Variants in USP5 observed in about 807,000 individuals in gnomAD.
USP5 encodes the protein ubiquitin specific peptidase 5.
Under a neutral mutation model 102.5 loss-of-function variants are expected in USP5, and 24 were observed. The observed-to-expected ratio is 0.23, with a 90% CI of 0.17 to 0.33. The LOEUF (loss-of-function observed/expected upper bound fraction) is 0.33, where lower values mean the gene tolerates loss of function less well. USP5 is among the 10% of genes least tolerant of loss of function. The pLI is 1.00. For synonymous variants in USP5, 460 were observed against 434.8 expected (o/e 1.06, Z -0.72); for missense variants, 753 against 1,122.1 (o/e 0.67, Z 4.70).
At chr12:6,862,385 A>G in intron 13 of USP5, 85 bp from the exon 14 acceptor site, 2 of 1,205,306 alleles carry the variant, frequency 1.7e-6, no homozygotes, top group African/African-American at 3.0e-5. Flanking sequence ...ACTTCTACCC[A>G]TGAGGGGCTG....
In USP5 at chr12:6,858,110, T is replaced by C. The variant is rs1264382032; in HGVS notation, c.865-314T>C. Among the ~76,000 whole-genome samples, 1 of 152,182 alleles carries C rather than the reference T, an allele frequency of 6.6e-6. No individual in the cohort carries two copies. The highest frequency in any genetic ancestry group is 1.5e-5 in the Non-Finnish European group (1 of 68,028). On this transcript the variant is annotated intron_variant, in intron 7 of 19. Coordinates refer to ENST00000229268, the MANE Select transcript of USP5 (RefSeq NM_001098536.2). This position sits in a 1 kb window ranked among gnomAD's most constrained non-coding sequence, Gnocchi z 4.2. ...AGTTTAGGGATCAGGGACATTTCCCTGAGGAAGCGATGCTTAACTGACAAT... is the reference window on the plus strand; with the variant it reads ...AGTTTAGGGATCAGGGACATTTCCCCGAGGAAGCGATGCTTAACTGACAAT...
rs116418094 is a variant in USP5 at position 6,863,801 on chromosome 12, G to A, written c.1955-29G>A. On this transcript the variant is annotated intron_variant, in intron 15 of 19. Transcript: ENST00000229268. This position sits in a 1 kb window ranked among gnomAD's most constrained non-coding sequence, Gnocchi z 4.7. ...GGAGCAAACAGTGGCCCAATCAGTC[G>A]GTCCGTGTACCCACAATTCCCATTA... 1.0e-4 allele frequency: 156 copies of A among 1,530,162 alleles called. No individual in the cohort carries two copies. The highest frequency in any genetic ancestry group is 1.3e-4 in the Non-Finnish European group (142 of 1,134,728). 94.8% of individuals were successfully genotyped at this position (1,530,162 alleles called of 1,614,324 possible).
In USP5 at chr12:6,856,576, C is replaced by T. The variant is rs2238114; in HGVS notation, c.584+126C>T. Reference sequence around the variant, plus strand: ...AGGAAGGGAAGCTTGGAAATGAACACGACATGGGGATGGCCAGAGGAGAAG... The same window carrying T: ...AGGAAGGGAAGCTTGGAAATGAACATGACATGGGGATGGCCAGAGGAGAAG... On this transcript the variant is annotated intron_variant, in intron 5 of 19. Coordinates refer to ENST00000229268, the MANE Select transcript of USP5 (RefSeq NM_001098536.2). The surrounding 1 kb of genome is among the most constrained non-coding windows in gnomAD (Gnocchi z 5.6). 8.4e-6 allele frequency: 13 copies of T among 1,542,916 alleles called. No homozygotes were observed. Among genetic ancestry groups the T allele is most frequent in the African/African-American group, 5.5e-5 (4 of 73,160 alleles).
chr12:6,859,480 A>G lies in USP5; in HGVS notation c.1069A>G (p.Lys357Glu), dbSNP rs782458301. ...IPDFQRKYVD[K>E]LEKIFQNAPT... Reference sequence around the variant, plus strand: ...TCCCTTGACTTTTAGGTATGTGGATAAGCTGGAGAAGATCTTCCAGAATGC... The same window carrying G: ...TCCCTTGACTTTTAGGTATGTGGATGAGCTGGAGAAGATCTTCCAGAATGC... The change falls in exon 9 of 20, where the codon AAG becomes GAG. Residue 357 changes from lysine to glutamate, a missense_variant. Around this residue, in one of 3 missense-constraint regions of USP5, gnomAD observed 527 missense variants for 816.5 expected, o/e 0.65. Transcript: ENST00000229268. 1 of 1,614,162 alleles carries G rather than the reference A, an allele frequency of 6.2e-7. No individual in the cohort carries two copies. Among genetic ancestry groups the G allele is most frequent in the South Asian group, 1.1e-5 (1 of 91,086 alleles).
In USP5 at chr12:6,864,060, C is replaced by T. The variant is rs1944355168; in HGVS notation, c.2109C>T (p.Asn703=). 2.5e-6 allele frequency: 4 copies of T among 1,606,326 alleles called. No individual in the cohort carries two copies. The highest frequency in any genetic ancestry group is 3.4e-6 in the Non-Finnish European group (4 of 1,175,492). The part of the protein sequence containing the change: ...MSHMDDPDFA[N]PLILPGSSGP... ...CCTTCACATCCACAGATTTTGCAAACCCCCTCATCCTGCCTGGCTCTAGTG... is the reference window on the plus strand; with the variant it reads ...CCTTCACATCCACAGATTTTGCAAATCCCCTCATCCTGCCTGGCTCTAGTG... The change falls in exon 17 of 20, where the codon AAC becomes AAT. Residue 703 remains asparagine (N), a synonymous_variant. Coordinates refer to ENST00000229268, the MANE Select transcript of USP5 (RefSeq NM_001098536.2). The surrounding 1 kb of genome is among the most constrained non-coding windows in gnomAD (Gnocchi z 4.8).
Position 6,855,562 on chromosome 12 carries a change from G to A in USP5, c.237+36G>A. The A allele has an allele frequency of 6.2e-7, 1 of 1,611,954 alleles. No individual in the cohort carries two copies. The highest frequency in any genetic ancestry group is 1.1e-5 in the South Asian group (1 of 90,796). On this transcript the variant is annotated intron_variant, in intron 2 of 19. Coordinates refer to ENST00000229268, the MANE Select transcript of USP5 (RefSeq NM_001098536.2). The surrounding 1 kb of genome is among the most constrained non-coding windows in gnomAD (Gnocchi z 4.6). ...GGCTGGGGCAAGGCCTGGGTACATT[G>A]TCTGTTCCATTCTGACCTCCTATTG...
rs1014927662 is a variant in USP5, at chr12:6,856,643, T to G, written c.585-64T>G. 19 of 1,581,308 alleles carry G rather than the reference T, an allele frequency of 1.2e-5. No homozygotes were observed. In the African/African-American group the frequency reaches 2.5e-4, roughly 21 times the overall value. The stretch of plus-strand genomic sequence containing the variant: ...TTGGCGGGGGGCCTGCAGAGCCCTC[T>G]CTCTCTGCCACTCCCTCAAATCCCC... On this transcript the variant is annotated intron_variant, in intron 5 of 19. Transcript: ENST00000229268. The surrounding 1 kb of genome is among the most constrained non-coding windows in gnomAD (Gnocchi z 5.6).
chr12:6,865,676 C>T lies in USP5; in HGVS notation c.2484-308C>T, dbSNP rs371811102. ...GAAAGTTGAGTCGTTGTGTCAGAGA[C>T]CAGAGAGAGAGCCTGCAGAACCTCA... is the stretch of plus-strand genomic sequence containing the variant. On this transcript the variant is annotated intron_variant, in intron 19 of 19. Transcript: ENST00000229268. Among the ~76,000 whole-genome samples, 20 of 152,262 alleles carry T rather than the reference C, an allele frequency of 1.3e-4. No homozygotes were observed. The East Asian group carries it at 1.5e-3, about 12-fold the overall frequency.
chr12:6,866,150 G>A lies in USP5; in HGVS notation c.*73G>A, dbSNP rs782400185. 4 of 1,341,606 alleles carry A rather than the reference G, an allele frequency of 3.0e-6. No homozygotes were observed. The African/African-American group carries it at 4.3e-5, about 15-fold the overall frequency. The allele number at this position is 1,341,606 out of a possible 1,614,324, so 83.1% of individuals were successfully genotyped here. A position where few individuals can be genotyped will look rare whatever the true frequency, so the allele number is the denominator to read the frequency against. The stretch of plus-strand genomic sequence containing the variant: ...CATGAGGGAGAGGGGCTGAGGGATG[G>A]ACTTCAGCCCCTCTGCTCTGTACCC... On this transcript the variant is annotated 3_prime_UTR_variant, in exon 20 of 20. Transcript: ENST00000229268. This position sits in a 1 kb window ranked among gnomAD's most constrained non-coding sequence, Gnocchi z 4.7.
Position 6,863,439 on chromosome 12 carries a change from A to G in USP5, c.1954+62A>G, listed in dbSNP as rs111601142. 2,973 of 1,541,154 alleles carry G rather than the reference A, an allele frequency of 1.9e-3. 57 individuals carry two copies. In the African/African-American group the frequency reaches 0.034, roughly 18 times the overall value. ...GCTGATGGGGGCCTCTCTGCCTTGC[A>G]TCCCCTGCCCCTGTCCTTTGTGTTT... On this transcript the variant is annotated intron_variant, in intron 15 of 19. Coordinates refer to ENST00000229268, the MANE Select transcript of USP5 (RefSeq NM_001098536.2). This position sits in a 1 kb window ranked among gnomAD's most constrained non-coding sequence, Gnocchi z 4.7.
In USP5 at chr12:6,863,842, A is replaced by C; in HGVS notation, c.1967A>C (p.Asp656Ala). 1 of 1,595,808 alleles carries C rather than the reference A, an allele frequency of 6.3e-7. No homozygotes were observed. The highest frequency in any genetic ancestry group is 8.6e-7 in the Non-Finnish European group (1 of 1,169,376). ...ATTCCCATTACAGCGCCCATGCTGG[A>C]TGAATCAGTCATCATCCAGCTGGTG... ...HFSSPTSPML[D>A]ESVIIQLVEM... Residue 656 changes from aspartate (D) to alanine (A), a missense_variant, in exon 16 of 20, where the codon GAT becomes GCT. By Grantham distance (126) the Asp-to-Ala change is moderately radical. This residue lies in a region of USP5 where 193 missense variants were observed against 230.2 expected (regional missense o/e 0.84). Coordinates refer to ENST00000229268, the MANE Select transcript of USP5 (RefSeq NM_001098536.2). This position sits in a 1 kb window ranked among gnomAD's most constrained non-coding sequence, Gnocchi z 4.7.
Position 6,860,893 on chromosome 12 carries a change from T to G in USP5, c.1345-60T>G. On this transcript the variant is annotated intron_variant, in intron 11 of 19. Transcript: ENST00000229268. This position sits in a 1 kb window ranked among gnomAD's most constrained non-coding sequence, Gnocchi z 5.5. The stretch of plus-strand genomic sequence containing the variant: ...CTCTCCCTGACTCTCCCATGAACCT[T>G]TCAGGCCCCATTCTGTTCCCTGGCT... 6.2e-7 allele frequency: 1 copy of G among 1,602,700 alleles called. No homozygotes were observed. Among genetic ancestry groups the G allele is most frequent in the Non-Finnish European group, 8.5e-7 (1 of 1,173,088 alleles).
Position 6,856,839 on chromosome 12 carries a change from G to T in USP5, c.717G>T (p.Glu239Asp), listed in dbSNP as rs1944129139. The stretch of plus-strand genomic sequence containing the variant: ...ACCACGCTGTGGAGCACTACCGAGA[G>T]ACAGGCTACCCGTTAGCTGTCAAGC... ...GNNHAVEHYRETGYPLAVKLG... is the reference protein window; with the variant it reads ...GNNHAVEHYRDTGYPLAVKLG... Residue 239 changes from glutamate to aspartate, a missense_variant, in exon 6 of 20, where the codon GAG (glutamate) becomes GAT (aspartate). Glu to Asp is a conservative substitution (Grantham distance 45). Coordinates refer to ENST00000229268, the MANE Select transcript of USP5 (RefSeq NM_001098536.2). The surrounding 1 kb of genome is among the most constrained non-coding windows in gnomAD (Gnocchi z 5.6). 3 of 1,614,076 alleles carry T rather than the reference G, an allele frequency of 1.9e-6. No homozygotes were observed. The highest frequency in any genetic ancestry group is 1.7e-5 in the Admixed American group (1 of 60,008).
intron 1 of USP5, among the ~76,000 whole-genome samples, chr12:6,853,137 G>A (rs782066589): frequency 3.9e-5 from 6 of 152,124 alleles, no homozygotes; most frequent in Admixed American, 3.9e-4. Flanking sequence ...CCCTCAAGCG[G>A]AGGCCCTTTG....
In USP5 at chr12:6,864,313, AC is replaced by A; in HGVS notation, c.2244+120del. 7.2e-7 allele frequency: 1 copy of A among 1,395,420 alleles called. No homozygotes were observed. Among genetic ancestry groups the A allele is most frequent in the Non-Finnish European group, 9.4e-7 (1 of 1,061,732 alleles). The allele number at this position is 1,395,420 out of a possible 1,614,324, so 86.4% of individuals were successfully genotyped here. ...AGGTGTGGTCTGGCCGAGGTTGGGC[AC>A]CACTCTTTTGTGGCTGCGATGAAGG... On this transcript the variant is annotated intron_variant, in intron 17 of 19. Transcript: ENST00000229268. The surrounding 1 kb of genome is among the most constrained non-coding windows in gnomAD (Gnocchi z 4.8).
rs1321187501 is a variant in USP5, at chr12:6,863,597, C to T, written c.1954+220C>T. On this transcript the variant is annotated intron_variant, in intron 15 of 19. Coordinates refer to ENST00000229268, the MANE Select transcript of USP5 (RefSeq NM_001098536.2). The surrounding 1 kb of genome is among the most constrained non-coding windows in gnomAD (Gnocchi z 4.7). Reference sequence around the variant, plus strand: ...TGGCCTCTCTGCCCTTGTTACCTCCCTGGTTTGGGTAGGGTGGGGGTATCA... The same window carrying T: ...TGGCCTCTCTGCCCTTGTTACCTCCTTGGTTTGGGTAGGGTGGGGGTATCA... Among the ~76,000 whole-genome samples, 1 of 152,136 alleles carries T rather than the reference C, an allele frequency of 6.6e-6. No homozygotes were observed. Among genetic ancestry groups the T allele is most frequent in the Non-Finnish European group, 1.5e-5 (1 of 68,010 alleles).
intron 14 of USP5, 122 bp downstream of exon 14, chr12:6,862,680 G>A (rs1555129834): frequency 1.1e-5 from 9 of 841,658 alleles, no homozygotes; most frequent in Non-Finnish European, 1.3e-5. Flanking sequence ...CACCTTCAAT[G>A]TTTCAAAATT....
chr12:6,858,639 C>T lies in USP5; in HGVS notation c.1058+22C>T. 6.3e-7 allele frequency: 1 copy of T among 1,587,508 alleles called. No homozygotes were observed. The highest frequency in any genetic ancestry group is 2.3e-5 in the East Asian group (1 of 44,060). On this transcript the variant is annotated intron_variant, in intron 8 of 19. Coordinates refer to ENST00000229268, the MANE Select transcript of USP5 (RefSeq NM_001098536.2). The surrounding 1 kb of genome is among the most constrained non-coding windows in gnomAD (Gnocchi z 4.2). ...GGAAGTGAGTAGTGCCCTCTCCTTC[C>T]CCAGGCCCCCTCCTGGTCAGCACCC...
rs782253527 is a variant in USP5 at position 6,863,544 on chromosome 12, G to T, written c.1954+167G>T. On this transcript the variant is annotated intron_variant, in intron 15 of 19. Transcript: ENST00000229268. The surrounding 1 kb of genome is among the most constrained non-coding windows in gnomAD (Gnocchi z 4.7). ...CCCAGCGCACTCCTAGCCACCTTCTGGGTGTGGATGGCAGCAGTGCCAGCT... is the reference window on the plus strand; with the variant it reads ...CCCAGCGCACTCCTAGCCACCTTCTTGGTGTGGATGGCAGCAGTGCCAGCT... Among the ~76,000 whole-genome samples, 4 of 152,114 alleles carry T rather than the reference G, an allele frequency of 2.6e-5. No homozygotes were observed. The highest frequency in any genetic ancestry group is 5.9e-5 in the Non-Finnish European group (4 of 68,008).
Sources: allele counts gnomAD v4.1 joint callset (sites outside exome capture counted in the v4.1 genomes callset), GRCh38; gene constraint gnomAD v4.1.1; regional missense constraint gnomAD v4.1.1; non-coding constraint Gnocchi (gnomAD v3.1); transcripts MANE v1.5; gene names NCBI Gene and HGNC (gene_info 2026-07-23, HGNC 2026-07-21).